RBFOX1: variants seen among roughly 807,000 people sequenced by gnomAD.
The protein encoded by RBFOX1 is RNA binding protein fox-1 homolog 1.
A neutral mutation model predicts 57.7 loss-of-function variants in RBFOX1; 8 were observed. The ratio of observed to expected loss-of-function variants is 0.14; its 90% CI spans 0.08 to 0.25. The LOEUF is 0.25. Among genes scored for constraint, RBFOX1 ranks in the 10% least tolerant of loss-of-function variants. The pLI, the probability that RBFOX1 is intolerant of heterozygous loss-of-function variation, is 1.00. For synonymous variants in RBFOX1, 326 were observed against 222.4 expected, an observed-to-expected ratio of 1.47 and a Z score of -4.15; for missense variants, 611 against 548.5, an observed-to-expected ratio of 1.11 and a Z score of -1.14.
At chr16:6,003,950 T>C (rs1450816793) in intron 4 of RBFOX1, among the ~76,000 whole-genome samples, 2 of 152,220 alleles carry the variant, frequency 1.3e-5, no homozygotes, top group Non-Finnish European at 2.9e-5. Flanking sequence ...GAAATGCTAA[T>C]TTTAGAAATA....
chr16:5,309,328 T>C (rs1228265072), intron 1 of RBFOX1, among the ~76,000 whole-genome samples: 1 of 152,186 alleles, frequency 6.6e-6, no homozygotes. Flanking sequence ...TAGAGATATC[T>C]AGTCATTGAT....
At chr16:6,218,932 G>A (rs1212697344) in intron 1 of RBFOX1, among the ~76,000 whole-genome samples, 1 of 151,848 alleles carries the variant, frequency 6.6e-6, no homozygotes, top group Non-Finnish European at 1.5e-5. Context: ...GTATGAATAG[G>A]GTATTAACTG....
At chr16:6,933,152 C>T (rs988571497) in intron 3 of RBFOX1, among the ~76,000 whole-genome samples, 10 of 152,176 alleles carry the variant, frequency 6.6e-5, no homozygotes, top group Non-Finnish European at 8.8e-5. Flanking sequence ...CATCTGTAGA[C>T]GCTTGGGTTC....
intron 3 of RBFOX1, among the ~76,000 whole-genome samples, chr16:6,955,855 G>A (rs184041126): frequency 5.0e-3 from 755 of 152,072 alleles, no homozygotes; most frequent in Non-Finnish European, 7.7e-3. Flanking sequence ...ATAGATGCAT[G>A]CCACCATGCT....
chr16:6,024,188 G>A (rs2095140723), intron 1 of RBFOX1, among the ~76,000 whole-genome samples: 1 of 152,192 alleles, frequency 6.6e-6, no homozygotes, highest in South Asian at 2.1e-4. Context: ...TTAGGGGAAG[G>A]AGTGGCTAAT....
chr16:7,540,924 T>C (rs1161052079), intron 5 of RBFOX1, among the ~76,000 whole-genome samples: 6 of 152,196 alleles, frequency 3.9e-5, no homozygotes, highest in Non-Finnish European at 5.9e-5. Flanking sequence ...CACTAAAACC[T>C]GTGTCTTCTA....
chr16:5,783,590 A>G (rs909610331), intron 3 of RBFOX1, among the ~76,000 whole-genome samples: 3 of 152,158 alleles, frequency 2.0e-5, no homozygotes, highest in Admixed American at 2.0e-4. Flanking sequence ...TCATGCTCAT[A>G]TTTTAACATA....
At chr16:5,663,405 A>C (rs915761280) in intron 3 of RBFOX1, among the ~76,000 whole-genome samples, 1 of 150,276 alleles carries the variant, frequency 6.7e-6, no homozygotes, top group East Asian at 2.0e-4. Flanking sequence ...GGGTCTCACT[A>C]TGTTGGCCAG....
At chr16:6,998,599 G>T (rs1429656545) in intron 3 of RBFOX1, among the ~76,000 whole-genome samples, 1 of 152,168 alleles carries the variant, frequency 6.6e-6, no homozygotes, top group Non-Finnish European at 1.5e-5. Flanking sequence ...ATATCATTGT[G>T]ATCGATGACT....
At position 7,528,139 on chromosome 16, in the gene RBFOX1, A is replaced by G. The variant is rs144246751; in HGVS notation, c.270+9750A>G. ...AAGGACATCTTGCTTTTGCTAAATG[A>G]GGAATGCTCAGGCATATTCTAAGGG... On this transcript the variant is annotated intron_variant, in intron 5 of 15. Coordinates refer to ENST00000550418, the MANE Select transcript of RBFOX1 (RefSeq NM_018723.4). 8.0e-3 allele frequency among the ~76,000 whole-genome samples: 1,218 copies of G among 152,348 alleles called. 4 individuals carry two copies. The highest frequency in any genetic ancestry group is 0.012 in the Non-Finnish European group (789 of 68,032).
chr16:6,550,417 G>A (rs953609396), intron 2 of RBFOX1, among the ~76,000 whole-genome samples: 1 of 152,050 alleles, frequency 6.6e-6, no homozygotes. Context: ...CCTCCAATTC[G>A]TGGCCTCAAG....
chr16:6,490,338 T>C (rs2095604242), intron 2 of RBFOX1, among the ~76,000 whole-genome samples: 2 of 152,184 alleles, frequency 1.3e-5, no homozygotes, highest in East Asian at 1.9e-4. Context: ...TGAACTTCAG[T>C]TGAATAAATG....
chr16:6,889,337 G>C (rs909174269), intron 3 of RBFOX1, among the ~76,000 whole-genome samples: 1 of 152,150 alleles, frequency 6.6e-6, no homozygotes, highest in African/African-American at 2.4e-5. Flanking sequence ...AAATTTACGA[G>C]TATGCATGTG....
intron 4 of RBFOX1, among the ~76,000 whole-genome samples, chr16:5,958,463 G>A (rs2059689416): frequency 6.6e-6 from 1 of 152,106 alleles, no homozygotes. Context: ...CATTCCATGG[G>A]TCTGCCAATT....
At chr16:7,061,172 T>C (rs1686526499) in intron 4 of RBFOX1, among the ~76,000 whole-genome samples, 1 of 152,204 alleles carries the variant, frequency 6.6e-6, no homozygotes. Context: ...AGTTCTCTAC[T>C]TCTAGAAGCT....
At chr16:7,065,047 G>A (rs375920933) in intron 4 of RBFOX1, among the ~76,000 whole-genome samples, 72 of 152,184 alleles carry the variant, frequency 4.7e-4, no homozygotes, top group African/African-American at 1.7e-3. Flanking sequence ...GATGGAGAAA[G>A]GAACAGATGA....
chr16:7,518,991 C>G (rs374077527), intron 5 of RBFOX1, among the ~76,000 whole-genome samples: 4 of 152,234 alleles, frequency 2.6e-5, no homozygotes, highest in East Asian at 3.9e-4. Flanking sequence ...CCACTGAACT[C>G]CAGCCTAGGT....
chr16:5,644,532 A>G (rs765223287), intron 3 of RBFOX1, among the ~76,000 whole-genome samples: 31 of 152,220 alleles, frequency 2.0e-4, no homozygotes, highest in Non-Finnish European at 3.8e-4. Flanking sequence ...TCCCTCTGAC[A>G]TGAGGAGTTA....
At chr16:5,499,940 C>T (rs937310349) in intron 2 of RBFOX1, among the ~76,000 whole-genome samples, 2 of 152,198 alleles carry the variant, frequency 1.3e-5, no homozygotes, top group Non-Finnish European at 2.9e-5. Context: ...ATTTTTCATT[C>T]AGCAGATATT....
Sources: allele counts gnomAD v4.1 joint callset (sites outside exome capture counted in the v4.1 genomes callset), GRCh38; gene constraint gnomAD v4.1.1; transcripts MANE v1.5; gene names NCBI Gene and HGNC (gene_info 2026-07-23, HGNC 2026-07-21).